The following PPP1R1C variants were observed in gnomAD, a reference collection of about 807,000 sequenced individuals.
PPP1R1C encodes protein phosphatase 1 regulatory subunit 1C.
A neutral mutation model predicts 17.4 loss-of-function variants in PPP1R1C; 15 were observed. The ratio of observed to expected loss-of-function variants is 0.86; its 90% CI spans 0.58 to 1.33. PPP1R1C has a LOEUF of 1.33. Among genes scored for constraint, PPP1R1C ranks in the 40% most tolerant of loss-of-function variants. The probability of loss-of-function intolerance (pLI) is 0.00; values close to 1 mark genes in which losing one functional copy is unlikely to be tolerated. For missense variants in PPP1R1C, 143 were observed against 130.0 expected (o/e 1.10, Z -0.48); for synonymous variants, 35 against 43.1 (o/e 0.81, Z 0.73).
At chr2:182,029,368 G>C (rs1046718039) in intron 2 of PPP1R1C, among the ~76,000 whole-genome samples, 1 of 152,106 alleles carries the variant, frequency 6.6e-6, no homozygotes, top group African/African-American at 2.4e-5. Context: ...TCCTTTCCAT[G>C]TTTAGCACTT....
intron 4 of PPP1R1C, among the ~76,000 whole-genome samples, chr2:182,114,898 C>A (rs939604121): frequency 1.3e-5 from 2 of 152,114 alleles, no homozygotes; most frequent in African/African-American, 4.8e-5. Flanking sequence ...ACAAGCAGAC[C>A]TATTCTCAAG....
chr2:182,061,236 TC>T (rs1687840204), intron 2 of PPP1R1C, among the ~76,000 whole-genome samples: 1 of 152,096 alleles, frequency 6.6e-6, no homozygotes, highest in South Asian at 2.1e-4. Flanking sequence ...GAAAGCTTTT[TC>T]TATACCTTTT....
chr2:182,044,164 C>A (rs969386258), intron 2 of PPP1R1C, among the ~76,000 whole-genome samples: 2 of 152,168 alleles, frequency 1.3e-5, no homozygotes, highest in Admixed American at 1.3e-4. Flanking sequence ...TACCTGTATC[C>A]AGGATGGACT....
chr2:182,069,755 C>A (rs1187991326), intron 4 of PPP1R1C, among the ~76,000 whole-genome samples: 2 of 152,112 alleles, frequency 1.3e-5, no homozygotes, highest in African/African-American at 4.8e-5. Context: ...ATTTATATTT[C>A]TCTGTATAAA....
intron 2 of PPP1R1C, among the ~76,000 whole-genome samples, chr2:182,032,245 G>C (rs1275443209): frequency 6.6e-6 from 1 of 152,112 alleles, no homozygotes; most frequent in Non-Finnish European, 1.5e-5. Context: ...CATCAGAACT[G>C]AATATCAACT....
chr2:181,992,128 C>G (rs896721340), intron 2 of PPP1R1C, among the ~76,000 whole-genome samples: 1 of 152,132 alleles, frequency 6.6e-6, no homozygotes, highest in Non-Finnish European at 1.5e-5. Flanking sequence ...TAAACCAACC[C>G]AAGTCCCTGA....
chr2:182,033,351 G>A (rs1485748913), intron 2 of PPP1R1C, among the ~76,000 whole-genome samples: 1 of 152,076 alleles, frequency 6.6e-6, no homozygotes, highest in Non-Finnish European at 1.5e-5. Flanking sequence ...TTTCAAATCA[G>A]TGTCTTGAGC....
At chr2:181,958,149 G>C (rs937089455) in intron 1 of PPP1R1C, among the ~76,000 whole-genome samples, 1 of 152,150 alleles carries the variant, frequency 6.6e-6, no homozygotes, top group East Asian at 1.9e-4. Context: ...AAATCAGCAG[G>C]GGGGCTTAAT....
intron 3 of PPP1R1C, 44 bp downstream of exon 3, chr2:182,061,523 T>A (rs1235642997): frequency 7.8e-7 from 1 of 1,278,138 alleles, no homozygotes; most frequent in Non-Finnish European, 1.0e-6. Flanking sequence ...TCAAATCAAT[T>A]AAAAATGCAA....
At chr2:182,000,396 A>G (rs1685728662) in intron 2 of PPP1R1C, among the ~76,000 whole-genome samples, 1 of 152,150 alleles carries the variant, frequency 6.6e-6, no homozygotes, top group South Asian at 2.1e-4. Flanking sequence ...ATGGCTCTTC[A>G]TAGGATGCAT....
Position 181,962,781 on chromosome 2 carries a change from G to A in PPP1R1C, n.111+8147G>A, listed in dbSNP as rs1037556519. 5.3e-5 allele frequency among the ~76,000 whole-genome samples: 8 copies of A among 152,178 alleles called. No individual in the cohort carries two copies. Among genetic ancestry groups the A allele is most frequent in the African/African-American group, 1.4e-4 (6 of 41,460 alleles). On this transcript the variant is annotated intron_variant and non_coding_transcript_variant, in intron 1 of 5. Transcript: ENST00000464264. This position sits in a 1 kb window ranked among gnomAD's most constrained non-coding sequence, Gnocchi z 6.0. ...AGGAGAGTCCCTTTTGTATGAGACT[G>A]TGGCTGGAGATAAAGGAAAGCGGAG...
At position 182,106,461 on chromosome 2, in the gene PPP1R1C, T is replaced by G. The variant is rs1471968176; in HGVS notation, c.242-10746T>G. Among the ~76,000 whole-genome samples the G allele has an allele frequency of 3.9e-5, 6 of 152,046 alleles. No individual in the cohort carries two copies. The East Asian group carries it at 1.2e-3, about 29-fold the overall frequency. On this transcript the variant is annotated intron_variant, in intron 4 of 4. Transcript: ENST00000682840. ...ACACCAAGGGGAATTTGGTTGAGGG[T>G]GGTGGTCGGACGAGAGCCCAGCCAC... is the stretch of plus-strand genomic sequence containing the variant.
At chr2:182,093,512 A>C (rs1470093411) in intron 4 of PPP1R1C, among the ~76,000 whole-genome samples, 1 of 152,176 alleles carries the variant, frequency 6.6e-6, no homozygotes, top group African/African-American at 2.4e-5. Context: ...TGTTCAGAAA[A>C]TGCGATTTTC....
intron 2 of PPP1R1C, among the ~76,000 whole-genome samples, chr2:182,021,091 C>T (rs963452327): frequency 1.1e-4 from 17 of 152,140 alleles, no homozygotes; most frequent in Non-Finnish European, 2.9e-5. Flanking sequence ...TGGCTGGTAA[C>T]CCCTGTCCCT....
chr2:182,104,129 T>G (rs1399826717), intron 4 of PPP1R1C, among the ~76,000 whole-genome samples: 1 of 152,194 alleles, frequency 6.6e-6, no homozygotes, highest in Non-Finnish European at 1.5e-5. Context: ...ATCAATTATA[T>G]AAGATCATGT....
chr2:182,109,466 C>A (rs1312307013), intron 4 of PPP1R1C, among the ~76,000 whole-genome samples: 1 of 152,178 alleles, frequency 6.6e-6, no homozygotes, highest in African/African-American at 2.4e-5. Context: ...CTAGGAGTAT[C>A]ATAAATGTGT....
intron 1 of PPP1R1C, among the ~76,000 whole-genome samples, chr2:181,972,495 CAA>C (rs139608076): frequency 7.0e-6 from 1 of 143,298 alleles, no homozygotes; most frequent in Non-Finnish European, 1.5e-5. Context: ...TTTAATAGGA[CAA>C]AAAAAAAACA....
chr2:182,035,264 A>G (rs1015304964), intron 2 of PPP1R1C, among the ~76,000 whole-genome samples: 1 of 152,246 alleles, frequency 6.6e-6, no homozygotes, highest in Non-Finnish European at 1.5e-5. Flanking sequence ...GTTATTATAC[A>G]AAGCTGCTTT....
At chr2:181,989,935 G>A (rs899054677) in intron 2 of PPP1R1C, among the ~76,000 whole-genome samples, 1 of 152,130 alleles carries the variant, frequency 6.6e-6, no homozygotes, top group Non-Finnish European at 1.5e-5. Flanking sequence ...ATGGATTTTT[G>A]TAGTAAAACC....
Sources: allele counts gnomAD v4.1 joint callset (sites outside exome capture counted in the v4.1 genomes callset), GRCh38; gene constraint gnomAD v4.1.1; non-coding constraint Gnocchi (gnomAD v3.1); transcripts MANE v1.5; gene names NCBI Gene and HGNC (gene_info 2026-07-23, HGNC 2026-07-21).